Variants in KIRREL1 observed in about 807,000 individuals in gnomAD.
KIRREL1 encodes kin of IRRE-like protein 1.
A neutral mutation model predicts 83.3 loss-of-function variants in KIRREL1; 25 were observed. That is an observed-to-expected ratio of 0.30 (90% CI 0.22 to 0.42). The LOEUF is 0.42. Ranked by LOEUF, KIRREL1 falls within the 10% of genes least tolerant of loss-of-function variation. The pLI is 1.00. For synonymous variants in KIRREL1, 388 were observed against 410.4 expected (o/e 0.95, Z 0.66); for missense variants, 812 against 1,032.3 (o/e 0.79, Z 2.92).
At chr1:158,087,636 T>C (rs951446108) in intron 5 of KIRREL1, 119 bp from the exon 6 acceptor site, 1 of 681,432 alleles carries the variant, frequency 1.5e-6, no homozygotes, top group South Asian at 2.0e-5. Context: ...GCCGATACAC[T>C]GCAACCTCAA....
At position 158,097,200 on chromosome 1, in the gene KIRREL1, C is replaced by G. The variant is rs1295436271; in HGVS notation, c.*2080C>G. On this transcript the variant is annotated 3_prime_UTR_variant, in exon 15 of 15. Coordinates refer to ENST00000359209, the MANE Select transcript of KIRREL1 (RefSeq NM_018240.7). ...ATGAGAGCTCAGTGGGAAGGTCTGT[C>G]AAGAAATTCAGGTTCTTGTACAGAC... The G allele has an allele frequency of 8.0e-6, 3 of 374,632 alleles. No individual in the cohort carries two copies. The highest frequency in any genetic ancestry group is 4.2e-5 in the African/African-American group (2 of 47,164). The allele number at this position is 374,632 out of a possible 1,614,324, so 23.2% of individuals were successfully genotyped here. A position where few individuals can be genotyped will look rare whatever the true frequency, so the allele number is the denominator to read the frequency against.
chr1:158,078,056 G>A lies in KIRREL1; in HGVS notation c.268G>A (p.Ala90Thr). The A allele has an allele frequency of 1.2e-6, 2 of 1,614,134 alleles. No homozygotes were observed. The highest frequency in any genetic ancestry group is 2.2e-5 in the East Asian group (1 of 44,886). Residue 90 changes from alanine to threonine, a missense_variant, in exon 3 of 15, where the codon GCT becomes ACT. Physicochemically the swap from Ala to Thr is moderately conservative, Grantham distance 58. Coordinates refer to ENST00000359209, the MANE Select transcript of KIRREL1 (RefSeq NM_018240.7). ...GCAGTACAACCTGGAGATCACAGAT[G>A]CTGAGCTCTCTGACGACGCCTCTTA... Reference protein sequence around the residue: ...AGQYNLEITDAELSDDASYEC... With the variant: ...AGQYNLEITDTELSDDASYEC...
intron 1 of KIRREL1, among the ~76,000 whole-genome samples, chr1:158,049,562 G>A (rs529456664): frequency 1.3e-3 from 197 of 152,312 alleles, no homozygotes; most frequent in African/African-American, 4.7e-3. Flanking sequence ...GCCATTGAAA[G>A]GTTTTTCATA....
intron 1 of KIRREL1, among the ~76,000 whole-genome samples, chr1:157,995,361 G>A (rs1210106549): frequency 2.0e-5 from 3 of 152,196 alleles, no homozygotes; most frequent in African/African-American, 7.2e-5. Flanking sequence ...GGGGAAAGGA[G>A]GAGGCCTGGC....
intron 1 of KIRREL1, among the ~76,000 whole-genome samples, chr1:158,005,531 C>T (rs1659492001): frequency 6.9e-6 from 1 of 144,096 alleles, no homozygotes; most frequent in Admixed American, 7.3e-5. Flanking sequence ...ATATCGGAGC[C>T]AGTCATTTCC....
rs751148541 is a variant in KIRREL1, at chr1:158,087,751, G to A, written c.662-4G>A. On this transcript the variant is annotated splice_region_variant and splice_polypyrimidine_tract_variant and intron_variant, in intron 5 of 14. Transcript: ENST00000359209. ...ACCCTGACTCCCTGTGCTCTACTTT[G>A]CAGACCCTCCTACAGTGACCCTGTC... 39 of 1,611,154 alleles carry A rather than the reference G, an allele frequency of 2.4e-5. No homozygotes were observed. The highest frequency in any genetic ancestry group is 2.6e-5 in the Non-Finnish European group (31 of 1,177,960).
intron 1 of KIRREL1, among the ~76,000 whole-genome samples, chr1:158,012,557 A>C (rs755565776): frequency 2.0e-5 from 3 of 152,156 alleles, no homozygotes; most frequent in African/African-American, 7.2e-5. Context: ...GTGGTGTAAT[A>C]AAAAGAGTCC....
chr1:158,041,201 C>T (rs1244430083), intron 1 of KIRREL1, among the ~76,000 whole-genome samples: 2 of 152,092 alleles, frequency 1.3e-5, no homozygotes, highest in East Asian at 3.9e-4. Flanking sequence ...GAGAACAGGT[C>T]CTGTAGAGGC....
At chr1:158,068,340 A>G (rs1661412075) in intron 1 of KIRREL1, among the ~76,000 whole-genome samples, 1 of 152,194 alleles carries the variant, frequency 6.6e-6, no homozygotes. Flanking sequence ...ATCCACTGAG[A>G]GCAAGGCAAT....
At chr1:158,023,377 A>G (rs555953140) in intron 1 of KIRREL1, among the ~76,000 whole-genome samples, 27 of 152,348 alleles carry the variant, frequency 1.8e-4, no homozygotes, top group African/African-American at 5.5e-4. Context: ...GGCACTGTTC[A>G]GTGCTGAGGA....
At chr1:158,042,968 G>T (rs910293017) in intron 1 of KIRREL1, among the ~76,000 whole-genome samples, 1 of 150,816 alleles carries the variant, frequency 6.6e-6, no homozygotes, top group African/African-American at 2.4e-5. Context: ...GGCACCTGTA[G>T]TCCCAGCTAC....
At chr1:158,070,649 G>A (rs1241097057) in intron 1 of KIRREL1, among the ~76,000 whole-genome samples, 1 of 152,164 alleles carries the variant, frequency 6.6e-6, no homozygotes, top group African/African-American at 2.4e-5. Context: ...TAAGAGAAGA[G>A]GGAGGGAATG....
At chr1:158,018,164 G>C (rs997230624) in intron 1 of KIRREL1, among the ~76,000 whole-genome samples, 2 of 152,222 alleles carry the variant, frequency 1.3e-5, no homozygotes, top group East Asian at 1.9e-4. Flanking sequence ...GGAAGAATTG[G>C]GGGGGTGGGA....
chr1:158,069,302 TTGTGTGTGTGTGTGTGTGTG>T (rs57076623), intron 1 of KIRREL1, among the ~76,000 whole-genome samples: 6 of 143,372 alleles, frequency 4.2e-5, no homozygotes, highest in East Asian at 2.1e-4. Context: ...TATGACGTAC[TTGTGTGTGTGTGTGTGTGTG>T]TGTGTGTGTG....
chr1:158,072,437 G>C (rs1661541885), intron 1 of KIRREL1, among the ~76,000 whole-genome samples: 1 of 152,196 alleles, frequency 6.6e-6, no homozygotes, highest in Non-Finnish European at 1.5e-5. Context: ...GACTCCTGGA[G>C]TTGCCCCTGG....
chr1:158,081,515 A>G (rs1265458783), intron 3 of KIRREL1, among the ~76,000 whole-genome samples: 1 of 152,172 alleles, frequency 6.6e-6, no homozygotes, highest in Non-Finnish European at 1.5e-5. Flanking sequence ...GAAGTTTTAT[A>G]AACAAGGAGA....
At chr1:158,053,320 A>C (rs1269301282) in intron 1 of KIRREL1, among the ~76,000 whole-genome samples, 1 of 152,230 alleles carries the variant, frequency 6.6e-6, no homozygotes, top group Non-Finnish European at 1.5e-5. Context: ...ATGACATTCA[A>C]GATTTGGCAC....
chr1:158,035,053 C>T (rs1265551117), intron 1 of KIRREL1, among the ~76,000 whole-genome samples: 3 of 152,028 alleles, frequency 2.0e-5, no homozygotes, highest in Non-Finnish European at 4.4e-5. Context: ...GTTTTTCTTA[C>T]CTCCTTTTCT....
chr1:158,079,697 G>A (rs537690888), intron 3 of KIRREL1, among the ~76,000 whole-genome samples: 1 of 152,350 alleles, frequency 6.6e-6, no homozygotes, highest in African/African-American at 2.4e-5. Flanking sequence ...GAAAGAGAGA[G>A]TCCTAGACTG....
Sources: gnomAD v4.1 joint callset for allele counts (sites outside exome capture counted in the v4.1 genomes callset) on GRCh38, gnomAD v4.1.1 for gene constraint, MANE v1.5 for transcripts, NCBI Gene and HGNC (gene_info 2026-07-23, HGNC 2026-07-21) for gene names.